Variants in CSMD1 observed in about 807,000 individuals in gnomAD.
CSMD1 encodes the protein CUB and Sushi multiple domains 1.
A neutral mutation model predicts 417.5 loss-of-function variants in CSMD1; 213 were observed. The observed-to-expected ratio is 0.51, with a 90% CI of 0.46 to 0.57. CSMD1 has a LOEUF of 0.57. CSMD1 is among the 20% of genes least tolerant of loss of function. The pLI is 0.00. For synonymous variants in CSMD1, 2,862 were observed against 1,736.8 expected, an observed-to-expected ratio of 1.65 and a Z score of -16.11; for missense variants, 6,923 against 4,529.7, an observed-to-expected ratio of 1.53 and a Z score of -15.17.
chr8:3,603,292 G>C (rs1381470006), intron 8 of CSMD1, among the ~76,000 whole-genome samples: 1 of 152,026 alleles, frequency 6.6e-6, no homozygotes, highest in Non-Finnish European at 1.5e-5. Flanking sequence ...CCTGCCTTCA[G>C]TTACAGGCAT....
chr8:3,998,304 T>C (rs558462841), intron 4 of CSMD1, among the ~76,000 whole-genome samples, 194 bp from the exon 5 acceptor site: 5 of 152,188 alleles, frequency 3.3e-5, no homozygotes, highest in Non-Finnish European at 7.3e-5. Flanking sequence ...AACATTTAAA[T>C]TATCTTATTA....
chr8:3,088,805 G>A (rs77658351), intron 48 of CSMD1, among the ~76,000 whole-genome samples: 2,917 of 140,586 alleles, frequency 0.021, 117 homozygotes, highest in African/African-American at 0.072. Context: ...GTACAATCAG[G>A]CACCCTGAAT....
chr8:4,615,497 T>A (rs1303372207), intron 2 of CSMD1, among the ~76,000 whole-genome samples: 1 of 152,202 alleles, frequency 6.6e-6, no homozygotes, highest in Non-Finnish European at 1.5e-5. Context: ...CTTACAAATG[T>A]CCAAATTCTA....
intron 12 of CSMD1, among the ~76,000 whole-genome samples, chr8:3,426,136 G>A (rs1237724672): frequency 6.6e-6 from 1 of 152,134 alleles, no homozygotes; most frequent in African/African-American, 2.4e-5. Context: ...AATTTGTATT[G>A]TCCTATCCCT....
intron 10 of CSMD1, among the ~76,000 whole-genome samples, chr8:3,526,921 T>G (rs1400149913): frequency 6.6e-6 from 1 of 152,170 alleles, no homozygotes; most frequent in South Asian, 2.1e-4. Flanking sequence ...CATCTAATGG[T>G]GTCCAGGGGA....
At chr8:4,173,629 C>A (rs893206347) in intron 3 of CSMD1, among the ~76,000 whole-genome samples, 2 of 151,862 alleles carry the variant, frequency 1.3e-5, no homozygotes, top group East Asian at 1.9e-4. Context: ...TGTGGAAGTT[C>A]GGAAACACTG....
chr8:3,487,432 A>T (rs1585238005), intron 11 of CSMD1, among the ~76,000 whole-genome samples: 1 of 152,036 alleles, frequency 6.6e-6, no homozygotes, highest in South Asian at 2.1e-4. Flanking sequence ...CGTTCTCCTG[A>T]CCTCGTGATC....
At chr8:4,221,705 G>C (rs958235206) in intron 3 of CSMD1, among the ~76,000 whole-genome samples, 1 of 152,164 alleles carries the variant, frequency 6.6e-6, no homozygotes, top group Non-Finnish European at 1.5e-5. Context: ...ATAGACTGGA[G>C]GCTTTCTCTC....
chr8:3,961,676 A>C (rs1025728262), intron 5 of CSMD1, among the ~76,000 whole-genome samples: 1 of 152,218 alleles, frequency 6.6e-6, no homozygotes, highest in East Asian at 1.9e-4. Context: ...AATAAAGTGA[A>C]AGCAAACTTC....
At chr8:3,355,722 C>G (rs1213609961) in intron 21 of CSMD1, among the ~76,000 whole-genome samples, 1 of 152,162 alleles carries the variant, frequency 6.6e-6, no homozygotes, top group Non-Finnish European at 1.5e-5. Context: ...AGGTTGAACC[C>G]TTGATCAAAC....
At chr8:3,463,609 G>A (rs1265112586) in intron 12 of CSMD1, among the ~76,000 whole-genome samples, 1 of 152,128 alleles carries the variant, frequency 6.6e-6, no homozygotes, top group African/African-American at 2.4e-5. Context: ...CTTTCTACAA[G>A]GACCAGTGAG....
intron 1 of CSMD1, among the ~76,000 whole-genome samples, chr8:4,700,189 T>A (rs552429118): frequency 4.6e-5 from 7 of 152,102 alleles, no homozygotes; most frequent in Admixed American, 4.6e-4. Flanking sequence ...TGAAACAAAA[T>A]CTTGAAATCT....
At chr8:3,823,201 A>G (rs1386948183) in intron 5 of CSMD1, among the ~76,000 whole-genome samples, 1 of 152,130 alleles carries the variant, frequency 6.6e-6, no homozygotes, top group Non-Finnish European at 1.5e-5. Context: ...ACAGTTTGCA[A>G]TATTGGTGGG....
intron 1 of CSMD1, among the ~76,000 whole-genome samples, chr8:4,923,838 A>T (rs936810296): frequency 6.6e-6 from 1 of 152,204 alleles, no homozygotes; most frequent in Non-Finnish European, 1.5e-5. Flanking sequence ...ATAATAAATG[A>T]GATAATGAAG....
chr8:4,236,665 T>G (rs901167983), intron 3 of CSMD1, among the ~76,000 whole-genome samples: 3 of 152,240 alleles, frequency 2.0e-5, no homozygotes, highest in African/African-American at 7.2e-5. Flanking sequence ...ATGAATTGCA[T>G]GCTTATTTAA....
intron 10 of CSMD1, among the ~76,000 whole-genome samples, chr8:3,548,583 A>G (rs1198602714): frequency 6.6e-6 from 1 of 151,306 alleles, no homozygotes; most frequent in Non-Finnish European, 1.5e-5. Context: ...ACTTAGAATA[A>G]TAGTCCCCAA....
intron 6 of CSMD1, among the ~76,000 whole-genome samples, chr8:3,719,128 T>G (rs1455171699): frequency 1.3e-5 from 2 of 152,180 alleles, no homozygotes; most frequent in Non-Finnish European, 2.9e-5. Flanking sequence ...TTGTGTCCTG[T>G]TCTATTAACT....
At chr8:3,548,657 C>CAT (rs1424854462) in intron 10 of CSMD1, among the ~76,000 whole-genome samples, 3 of 124,462 alleles carry the variant, frequency 2.4e-5, no homozygotes, top group Admixed American at 8.1e-5. Context: ...GGTATTCCAT[C>CAT]ATACACACAC....
Position 3,336,381 on chromosome 8 carries a change from A to G in CSMD1, c.3631+6913T>C, listed in dbSNP as rs571294288. 2.0e-5 allele frequency among the ~76,000 whole-genome samples: 3 copies of G among 152,170 alleles called. No homozygotes were observed. The South Asian group carries it at 6.2e-4, about 32-fold the overall frequency. On this transcript the variant is annotated intron_variant, in intron 23 of 69. Coordinates refer to ENST00000635120, the MANE Select transcript of CSMD1 (RefSeq NM_033225.6). ...GTCACCTTCTATAGCCTTTTTCATG[A>G]CCCCTGTTATACAGAGTCTGAAGAA...
Sources: allele counts gnomAD v4.1 joint callset (sites outside exome capture counted in the v4.1 genomes callset), GRCh38; gene constraint gnomAD v4.1.1; transcripts MANE v1.5; gene names NCBI Gene and HGNC (gene_info 2026-07-23, HGNC 2026-07-21).